DYTN: variants seen among roughly 807,000 people sequenced by gnomAD.
DYTN encodes the protein dystrotelin.
DYTN carries 75 observed loss-of-function variants against 69.6 expected under a neutral mutation model. That is an observed-to-expected ratio of 1.08 (90% CI 0.89 to 1.31). The LOEUF is 1.31. Among genes scored for constraint, DYTN ranks in the 50% most tolerant of loss-of-function variants. The probability of loss-of-function intolerance (pLI) is 0.00; values close to 1 mark genes in which losing one functional copy is unlikely to be tolerated. For missense variants in DYTN, 726 were observed against 688.4 expected (o/e 1.05, Z -0.61); for synonymous variants, 252 against 249.1 (o/e 1.01, Z -0.11).
At chr2:206,665,623 A>C (rs1699561946) in intron 10 of DYTN, among the ~76,000 whole-genome samples, 1 of 152,124 alleles carries the variant, frequency 6.6e-6, no homozygotes, top group South Asian at 2.1e-4. Flanking sequence ...AACCGACGCT[A>C]TAAAGAATCA....
chr2:206,714,176 T>C (rs1700105603), intron 1 of DYTN, among the ~76,000 whole-genome samples: 1 of 152,176 alleles, frequency 6.6e-6, no homozygotes, highest in South Asian at 2.1e-4. Flanking sequence ...TCTAACAGTG[T>C]CTCTGTGTTT....
chr2:206,699,315 C>T (rs1236813866), intron 7 of DYTN, among the ~76,000 whole-genome samples: 3 of 152,078 alleles, frequency 2.0e-5, no homozygotes, highest in Non-Finnish European at 4.4e-5. Context: ...TGCCTGTACC[C>T]CCAGCTACCC....
In DYTN at chr2:206,651,931, A is replaced by G. The variant is rs761325413; in HGVS notation, c.1634-10T>C. On this transcript the variant is annotated splice_polypyrimidine_tract_variant and intron_variant, in intron 11 of 11. Coordinates refer to ENST00000452335, the MANE Select transcript of DYTN (RefSeq NM_001093730.1). ...ACTGAAGACTCCGGGCCTGAAATCAACAAACAAGAGAGTCATTTAGAGAAA... is the reference window on the plus strand; with the variant it reads ...ACTGAAGACTCCGGGCCTGAAATCAGCAAACAAGAGAGTCATTTAGAGAAA... The G allele has an allele frequency of 1.5e-5, 24 of 1,608,460 alleles. No homozygotes were observed. The Admixed American group carries it at 3.6e-4, about 24-fold the overall frequency.
intron 11 of DYTN, 109 bp downstream of exon 11, chr2:206,662,794 G>T: frequency 2.0e-6 from 3 of 1,469,950 alleles, no homozygotes; most frequent in East Asian, 2.3e-5. Flanking sequence ...TCAGAGCACT[G>T]CTACATACTA....
At chr2:206,657,327 G>T (rs1445077854) in intron 11 of DYTN, among the ~76,000 whole-genome samples, 1 of 151,996 alleles carries the variant, frequency 6.6e-6, no homozygotes, top group Non-Finnish European at 1.5e-5. Context: ...ATGTTGCTCA[G>T]GCATACTACC....
chr2:206,682,202 T>C (rs374798393), intron 9 of DYTN, among the ~76,000 whole-genome samples: 1 of 152,324 alleles, frequency 6.6e-6, no homozygotes, highest in East Asian at 1.9e-4. Context: ...GTAGATTGTA[T>C]TTCTGTAGGG....
intron 9 of DYTN, among the ~76,000 whole-genome samples, chr2:206,671,733 A>C (rs1699631894): frequency 6.6e-6 from 1 of 152,240 alleles, no homozygotes; most frequent in Non-Finnish European, 1.5e-5. Context: ...GTATATTGTT[A>C]ATATGAAGAA....
chr2:206,691,746 A>G (rs1422000240), intron 9 of DYTN, among the ~76,000 whole-genome samples: 1 of 152,182 alleles, frequency 6.6e-6, no homozygotes, highest in Admixed American at 6.5e-5. Flanking sequence ...GTCATTGTGT[A>G]CTTTATCCTT....
At chr2:206,665,745 G>T in intron 10 of DYTN, 125 bp downstream of exon 10, 2 of 1,158,594 alleles carry the variant, frequency 1.7e-6, no homozygotes, top group Non-Finnish European at 2.4e-6. Context: ...GGAGGTCAGG[G>T]TACGGGGAGA....
At chr2:206,654,199 A>G (rs1316360254) in intron 11 of DYTN, among the ~76,000 whole-genome samples, 2 of 152,190 alleles carry the variant, frequency 1.3e-5, no homozygotes, top group Non-Finnish European at 1.5e-5. Context: ...CTATCTATCT[A>G]TGAAGCAATG....
chr2:206,656,292 A>G (rs1699447239), intron 11 of DYTN, among the ~76,000 whole-genome samples: 1 of 152,174 alleles, frequency 6.6e-6, no homozygotes, highest in Admixed American at 6.5e-5. Flanking sequence ...TCATATAACT[A>G]TAGCCACCCC....
chr2:206,674,423 GT>G (rs1235783584), intron 9 of DYTN, among the ~76,000 whole-genome samples: 1 of 152,056 alleles, frequency 6.6e-6, no homozygotes, highest in Non-Finnish European at 1.5e-5. Flanking sequence ...AGACTATTAA[GT>G]TTGAACAAAT....
Position 206,707,386 on chromosome 2 carries a change from T to C in DYTN, c.212A>G (p.Gln71Arg). ...TCCTGGGTTTTCCTCCCTGGCCTTCTGAAACAGCTCTTGGAGTGCCTGAGA... is the reference window on the plus strand; with the variant it reads ...TCCTGGGTTTTCCTCCCTGGCCTTCCGAAACAGCTCTTGGAGTGCCTGAGA... ...QLSQALQELF[Q>R]KAREENPGQV... is the part of the protein sequence containing the mutation. The change falls in exon 3 of 12, where the codon CAG becomes CGG. Residue 71 changes from glutamine to arginine, a missense_variant. By Grantham distance (43) the Gln-to-Arg change is conservative (BLOSUM62 1). Transcript: ENST00000452335. 1 of 1,613,204 alleles carries C rather than the reference T, an allele frequency of 6.2e-7. No individual in the cohort carries two copies. Among genetic ancestry groups the C allele is most frequent in the Non-Finnish European group, 8.5e-7 (1 of 1,179,672 alleles).
At chr2:206,685,375 C>T (rs1699795172) in intron 9 of DYTN, among the ~76,000 whole-genome samples, 1 of 151,844 alleles carries the variant, frequency 6.6e-6, no homozygotes, top group African/African-American at 2.4e-5. Flanking sequence ...GTTGCCCAGG[C>T]TGGTCTCGAA....
At chr2:206,707,105 T>G (rs796958675) in intron 3 of DYTN, among the ~76,000 whole-genome samples, 197 bp downstream of exon 3, 9 of 152,286 alleles carry the variant, frequency 5.9e-5, no homozygotes, top group African/African-American at 2.2e-4. Flanking sequence ...TTGCTATCCA[T>G]GGGTCATTTA....
At chr2:206,695,724 T>C (rs1429871735) in intron 7 of DYTN, among the ~76,000 whole-genome samples, 3 of 152,200 alleles carry the variant, frequency 2.0e-5, no homozygotes, top group Non-Finnish European at 4.4e-5. Flanking sequence ...GAGCTATACA[T>C]TTTTCCCCTG....
At chr2:206,690,511 G>T (rs1274191389) in intron 9 of DYTN, among the ~76,000 whole-genome samples, 1 of 152,218 alleles carries the variant, frequency 6.6e-6, no homozygotes, top group Non-Finnish European at 1.5e-5. Context: ...TGGGGAGACC[G>T]AGGAGGAAGC....
chr2:206,669,481 T>C (rs181238723), intron 9 of DYTN, among the ~76,000 whole-genome samples: 3 of 152,354 alleles, frequency 2.0e-5, no homozygotes, highest in Non-Finnish European at 2.9e-5. Context: ...CTTCATGTTT[T>C]ATTTCATTCA....
intron 1 of DYTN, among the ~76,000 whole-genome samples, chr2:206,712,754 G>A (rs1046406238): frequency 2.6e-5 from 4 of 152,202 alleles, no homozygotes; most frequent in African/African-American, 9.6e-5. Context: ...AGTGTCAACT[G>A]CAACTCTCCC....
Sources: allele counts gnomAD v4.1 joint callset (sites outside exome capture counted in the v4.1 genomes callset), GRCh38; gene constraint gnomAD v4.1.1; transcripts MANE v1.5; gene names NCBI Gene and HGNC (gene_info 2026-07-23, HGNC 2026-07-21).